IRS2: variants seen among roughly 807,000 people sequenced by gnomAD.
IRS2 encodes the protein insulin receptor substrate 2.
A neutral mutation model predicts 70.9 loss-of-function variants in IRS2; 28 were observed. That is an observed-to-expected ratio of 0.39 (90% CI 0.29 to 0.54). IRS2 has a LOEUF of 0.54. Among genes scored for constraint, IRS2 ranks in the 20% least tolerant of loss-of-function variants. The pLI is 0.59. For missense variants in IRS2, 2,081 were observed against 2,024.1 expected (o/e 1.03, Z -0.54); for synonymous variants, 1,217 against 981.9 (o/e 1.24, Z -4.48).
rs556582071 is a variant in IRS2 at position 109,784,886 on chromosome 13, G to A, written c.1168C>T (p.Leu390=). 4 of 1,096,464 alleles carry A rather than the reference G, an allele frequency of 3.6e-6. No individual in the cohort carries two copies. Among genetic ancestry groups the A allele is most frequent in the Non-Finnish European group, 4.4e-6 (4 of 900,022 alleles). The allele number at this position is 1,096,464 out of a possible 1,614,324, so 67.9% of individuals were successfully genotyped here. A position where few individuals can be genotyped will look rare whatever the true frequency, so the allele number is the denominator to read the frequency against. The change falls in exon 1 of 2, where the codon CTG becomes TTG. Residue 390 remains leucine, a synonymous_variant. Coordinates refer to ENST00000375856, the MANE Select transcript of IRS2 (RefSeq NM_003749.3). This position sits in a 1 kb window ranked among gnomAD's most constrained non-coding sequence, Gnocchi z 5.2. The stretch of plus-strand genomic sequence containing the variant: ...GGCGCGCGCACCGGCCCGGGGCTCA[G>A]GGGGCTCCCAGCCACCGACACCGGC... ...ARPVSVAGSP[L]SPGPVRAPLS...
intron 1 of IRS2, among the ~76,000 whole-genome samples, chr13:109,774,450 C>T (rs56123456): frequency 0.33 from 50,143 of 151,812 alleles, 8,370 homozygotes; most frequent in Middle Eastern, 0.47. Context: ...TCCCCATTTT[C>T]CTTTGAATTG....
In IRS2 at chr13:109,782,254, T is replaced by G. The variant is rs367945872; in HGVS notation, c.3800A>C (p.Gln1267Pro). 6.2e-7 allele frequency: 1 copy of G among 1,606,442 alleles called. No homozygotes were observed. Among genetic ancestry groups the G allele is most frequent in the African/African-American group, 1.3e-5 (1 of 74,314 alleles). ...AAGCGGCGGCGGCGGCGGCTGCGGC[T>G]GGGGTGGCAGCCCGGGCTCCTCCCT... ...DVREEPGLPPQPQPPPPPLPQ... is the reference protein window; with the variant it reads ...DVREEPGLPPPPQPPPPPLPQ... Residue 1267 changes from glutamine (Q) to proline (P), a missense_variant, in exon 1 of 2, where the codon CAG (glutamine) becomes CCG (proline). Coordinates refer to ENST00000375856, the MANE Select transcript of IRS2 (RefSeq NM_003749.3).
At position 109,752,734 on chromosome 13, in the gene IRS2, C is replaced by T. The variant is rs1877011325; in HGVS notation, c.*3570G>A. 6.6e-6 allele frequency: 1 copy of T among 152,186 alleles called. No individual in the cohort carries two copies. Among genetic ancestry groups the T allele is most frequent in the Admixed American group, 6.5e-5 (1 of 15,284 alleles). 9.4% of individuals were successfully genotyped at this position (152,186 alleles called of 1,614,324 possible). A position where few individuals can be genotyped will look rare whatever the true frequency, so the allele number is the denominator to read the frequency against. ...GATTTTATTTGTTCAAAAGATAACACACACATTATTACATGACTATCATTT... is the reference window on the plus strand; with the variant it reads ...GATTTTATTTGTTCAAAAGATAACATACACATTATTACATGACTATCATTT... On this transcript the variant is annotated 3_prime_UTR_variant, in exon 2 of 2. Coordinates refer to ENST00000375856, the MANE Select transcript of IRS2 (RefSeq NM_003749.3).
In IRS2 at chr13:109,786,258, T is replaced by C. The variant is rs1214991632; in HGVS notation, c.-205A>G. 1 of 154,306 alleles carries C rather than the reference T, an allele frequency of 6.5e-6. No individual in the cohort carries two copies. Among genetic ancestry groups the C allele is most frequent in the Non-Finnish European group, 1.4e-5 (1 of 73,406 alleles). The allele number at this position is 154,306 out of a possible 1,614,324, so 9.6% of individuals were successfully genotyped here. On this transcript the variant is annotated 5_prime_UTR_variant, in exon 1 of 2. Transcript: ENST00000375856. The surrounding 1 kb of genome is among the most constrained non-coding windows in gnomAD (Gnocchi z 4.4). Reference sequence around the variant, plus strand: ...CTCGGCGGCGCCGCGCCCTCCGCGCTCTGGGGCTCCTGAGGATGCCCGGCG... The same window carrying C: ...CTCGGCGGCGCCGCGCCCTCCGCGCCCTGGGGCTCCTGAGGATGCCCGGCG...
rs1486272348 is a variant in IRS2 at position 109,785,964 on chromosome 13, G to C, written c.90C>G (p.Ser30Arg). ...TGCGCAGGTAGCCGCACTTGCGCAC[G>C]CTGTGGTTGTTGTTGTTGTTGTTGT... is the stretch of plus-strand genomic sequence containing the variant. The part of the protein sequence containing the change: ...LNNNNNNNNH[S>R]VRKCGYLRKQ... The change falls in exon 1 of 2, where the codon AGC (serine) becomes AGG (arginine). Residue 30 changes from serine (S) to arginine (R), a missense_variant. Around this residue, in one of 4 missense-constraint regions of IRS2, gnomAD observed 320 missense variants for 352.9 expected, o/e 0.91. Coordinates refer to ENST00000375856, the MANE Select transcript of IRS2 (RefSeq NM_003749.3). This position sits in a 1 kb window ranked among gnomAD's most constrained non-coding sequence, Gnocchi z 9.3. 10 of 1,496,244 alleles carry C rather than the reference G, an allele frequency of 6.7e-6. No individual in the cohort carries two copies. Among genetic ancestry groups the C allele is most frequent in the African/African-American group, 1.4e-5 (1 of 69,108 alleles). The allele number at this position is 1,496,244 out of a possible 1,614,324, so 92.7% of individuals were successfully genotyped here.
At chr13:109,760,227 GAAGA>G (rs1407848957) in intron 1 of IRS2, among the ~76,000 whole-genome samples, 3 of 152,182 alleles carry the variant, frequency 2.0e-5, no homozygotes, top group African/African-American at 7.2e-5. Flanking sequence ...CACTAAGAAG[GAAGA>G]GATTTTCTGA....
Position 109,785,091 on chromosome 13 carries a change from G to A in IRS2, c.963C>T (p.Gly321=), listed in dbSNP as rs763849085. ...TGACCAGGTGGTGGTGGCGGCGCGC[G>A]CCGGGGACGCTGATGGGGTGCGTGG... ...SSATHPISVP[G]ARRHHHLVNL... Residue 321 remains glycine, a synonymous_variant, in exon 1 of 2, where the codon GGC becomes GGT. Transcript: ENST00000375856. The surrounding 1 kb of genome is among the most constrained non-coding windows in gnomAD (Gnocchi z 9.3). 2 of 1,582,458 alleles carry A rather than the reference G, an allele frequency of 1.3e-6. No individual in the cohort carries two copies. Among genetic ancestry groups the A allele is most frequent in the African/African-American group, 1.3e-5 (1 of 74,534 alleles).
intron 1 of IRS2, among the ~76,000 whole-genome samples, chr13:109,771,116 TC>T (rs897029485): frequency 2.0e-5 from 3 of 152,064 alleles, no homozygotes; most frequent in African/African-American, 7.3e-5. Context: ...CTTTCATCTG[TC>T]CCCAAACACC....
chr13:109,780,219 G>A (rs1207642880), intron 1 of IRS2, among the ~76,000 whole-genome samples: 1 of 152,196 alleles, frequency 6.6e-6, no homozygotes, highest in Admixed American at 6.5e-5. Flanking sequence ...TGTTCACTCT[G>A]GCATATACCC....
chr13:109,760,367 C>T (rs529200195), intron 1 of IRS2, among the ~76,000 whole-genome samples: 1 of 152,356 alleles, frequency 6.6e-6, no homozygotes, highest in South Asian at 2.1e-4. Flanking sequence ...AAAATGTAAA[C>T]TTACTGATAC....
chr13:109,778,013 G>A (rs1474203807), intron 1 of IRS2, among the ~76,000 whole-genome samples: 3 of 152,192 alleles, frequency 2.0e-5, no homozygotes, highest in African/African-American at 7.2e-5. Flanking sequence ...GTTACTGTTT[G>A]TTTCAATTTA....
intron 1 of IRS2, among the ~76,000 whole-genome samples, chr13:109,767,044 G>T (rs972988946): frequency 6.6e-6 from 1 of 152,234 alleles, no homozygotes; most frequent in Non-Finnish European, 1.5e-5. Flanking sequence ...ACACACCAGA[G>T]GACCCAGATC....
chr13:109,779,291 G>A (rs1877645784), intron 1 of IRS2, among the ~76,000 whole-genome samples: 2 of 152,236 alleles, frequency 1.3e-5, no homozygotes, highest in African/African-American at 2.4e-5. Flanking sequence ...AGAACAGGAA[G>A]AGCTCAGGGT....
At position 109,784,074 on chromosome 13, in the gene IRS2, C is replaced by G. The variant is rs762713144; in HGVS notation, c.1980G>C (p.Ala660=). The change falls in exon 1 of 2, where the codon GCG becomes GCC. Residue 660 remains alanine (A), a synonymous_variant. Coordinates refer to ENST00000375856, the MANE Select transcript of IRS2 (RefSeq NM_003749.3). The surrounding 1 kb of genome is among the most constrained non-coding windows in gnomAD (Gnocchi z 5.2). ...DDGYMPMTPG[A]ALAGSGSGSC... ...TGCCGCTCCCACTGCCCGCGAGGGC[C>G]GCGCCGGGCGTCATGGGCATGTAGC... 10 of 1,573,696 alleles carry G rather than the reference C, an allele frequency of 6.4e-6. No individual in the cohort carries two copies. The East Asian group carries it at 1.6e-4, about 25-fold the overall frequency.
At position 109,785,933 on chromosome 13, in the gene IRS2, TCTG is replaced by T; in HGVS notation, c.118_120del (p.Gln40del). The T allele has an allele frequency of 6.7e-7, 1 of 1,498,630 alleles. No homozygotes were observed. Among genetic ancestry groups the T allele is most frequent in the Non-Finnish European group, 8.8e-7 (1 of 1,130,006 alleles). The allele number at this position is 1,498,630 out of a possible 1,614,324, so 92.8% of individuals were successfully genotyped here. A position where few individuals can be genotyped will look rare whatever the true frequency, so the allele number is the denominator to read the frequency against. ...ACGAAGAAGCGCTTGTGGCCATGCT[TCTG>T]CTTGCGCAGGTAGCCGCACTTGCGC... On this transcript the variant is annotated inframe_deletion, in exon 1 of 2. Coordinates refer to ENST00000375856, the MANE Select transcript of IRS2 (RefSeq NM_003749.3). This position sits in a 1 kb window ranked among gnomAD's most constrained non-coding sequence, Gnocchi z 9.3.
chr13:109,785,832 C>T lies in IRS2; in HGVS notation c.222G>A (p.Glu74=), dbSNP rs759876262. 3.9e-6 allele frequency: 6 copies of T among 1,553,008 alleles called. No homozygotes were observed. The highest frequency in any genetic ancestry group is 1.2e-5 in the South Asian group (1 of 86,100). Residue 74 remains glutamate (E), a synonymous_variant, in exon 1 of 2, where the codon GAG becomes GAA. Transcript: ENST00000375856. The surrounding 1 kb of genome is among the most constrained non-coding windows in gnomAD (Gnocchi z 9.3). ...GGSAPQPPRL[E]YYESEKKWRS... ...GCCACTTTTTCTCGCTCTCGTAGTA[C>T]TCGAGCCGCGGCGGTTGCGGCGCCG...
At chr13:109,781,715 T>C (rs966105368) in intron 1 of IRS2, among the ~76,000 whole-genome samples, 3 of 152,092 alleles carry the variant, frequency 2.0e-5, no homozygotes, top group African/African-American at 7.2e-5. Flanking sequence ...CCGCGGCCTC[T>C]AGTGTGGCCG....
Position 109,782,501 on chromosome 13 carries a change from T to A in IRS2, c.3553A>T (p.Ser1185Cys). ...ASVENVSLRK[S>C]SEGGVGVGPG... is the part of the protein sequence containing the mutation. ...CCGACACCCACGCCGCCCTCGCTGC[T>A]TTTCCTGAGAGAGACATTTTCCACG... Residue 1185 changes from serine to cysteine, a missense_variant, in exon 1 of 2, where the codon AGC (serine) becomes TGC (cysteine). Coordinates refer to ENST00000375856, the MANE Select transcript of IRS2 (RefSeq NM_003749.3). The A allele has an allele frequency of 6.4e-7, 1 of 1,553,700 alleles. No homozygotes were observed. Among genetic ancestry groups the A allele is most frequent in the Non-Finnish European group, 8.7e-7 (1 of 1,149,454 alleles).
chr13:109,784,762 A>T lies in IRS2; in HGVS notation c.1292T>A (p.Met431Lys). The change falls in exon 1 of 2, where the codon ATG (methionine) becomes AAG (lysine). Residue 431 changes from methionine (M) to lysine (K), a missense_variant. Physicochemically the swap from Met to Lys is moderately conservative, Grantham distance 95. Coordinates refer to ENST00000375856, the MANE Select transcript of IRS2 (RefSeq NM_003749.3). This position sits in a 1 kb window ranked among gnomAD's most constrained non-coding sequence, Gnocchi z 5.2. Reference sequence around the variant, plus strand: ...CGGCGAGTGCGCCACGGGCATGGACATGGAGCGGCTGTGTTGCAGCGCGCC... The same window carrying T: ...CGGCGAGTGCGCCACGGGCATGGACTTGGAGCGGCTGTGTTGCAGCGCGCC... ...AGGALQHSRSMSMPVAHSPPA... is the reference protein window; with the variant it reads ...AGGALQHSRSKSMPVAHSPPA... 1 of 1,248,802 alleles carries T rather than the reference A, an allele frequency of 8.0e-7. No individual in the cohort carries two copies. The highest frequency in any genetic ancestry group is 1.0e-6 in the Non-Finnish European group (1 of 998,040). 77.4% of individuals were successfully genotyped at this position (1,248,802 alleles called of 1,614,324 possible). A position where few individuals can be genotyped will look rare whatever the true frequency, so the allele number is the denominator to read the frequency against.
Sources: allele counts gnomAD v4.1 joint callset (sites outside exome capture counted in the v4.1 genomes callset), GRCh38; gene constraint gnomAD v4.1.1; regional missense constraint gnomAD v4.1.1; non-coding constraint Gnocchi (gnomAD v3.1); transcripts MANE v1.5; gene names NCBI Gene and HGNC (gene_info 2026-07-23, HGNC 2026-07-21).